Variants in PCGF3 observed in about 807,000 individuals in gnomAD.
PCGF3 encodes polycomb group ring finger 3.
A neutral mutation model predicts 33.1 loss-of-function variants in PCGF3; 7 were observed. The ratio of observed to expected loss-of-function variants is 0.21; its 90% CI spans 0.12 to 0.40. PCGF3 has a LOEUF of 0.40. Ranked by LOEUF, PCGF3 falls within the 10% of genes least tolerant of loss-of-function variation. The pLI is 1.00. For synonymous variants in PCGF3, 153 were observed against 121.3 expected (o/e 1.26, Z -1.72); for missense variants, 211 against 313.3 (o/e 0.67, Z 2.46).
At chr4:730,310 G>A (rs1269841669) in intron 1 of PCGF3, among the ~76,000 whole-genome samples, 1 of 152,150 alleles carries the variant, frequency 6.6e-6, no homozygotes, top group African/African-American at 2.4e-5. Flanking sequence ...CCTCTGGGGG[G>A]CTCCACAGAC....
At position 728,747 on chromosome 4, in the gene PCGF3, G is replaced by A. The variant is rs568292352; in HGVS notation, c.-189-1883G>A. Among the ~76,000 whole-genome samples, 28 of 152,284 alleles carry A rather than the reference G, an allele frequency of 1.8e-4. No homozygotes were observed. In the South Asian group the frequency reaches 3.3e-3, roughly 18 times the overall value. ...GAACTCCTGTCAGGAGCCGCCAGCT[G>A]TACCAGCCAACACAGGAGCCACTGG... On this transcript the variant is annotated intron_variant, in intron 1 of 10. Coordinates refer to ENST00000362003, the Ensembl canonical transcript of PCGF3.
intron 6 of PCGF3, among the ~76,000 whole-genome samples, chr4:741,778 C>G (rs892217368): frequency 6.6e-6 from 1 of 152,110 alleles, no homozygotes; most frequent in Non-Finnish European, 1.5e-5. Flanking sequence ...TTTATTCTTA[C>G]AGGTGAAAAT....
intron 8 of PCGF3, chr4:757,366 G>A (rs928640686): frequency 5.3e-5 from 8 of 152,244 alleles, no homozygotes; most frequent in African/African-American, 1.9e-4. Context: ...GGCAGGGTGC[G>A]TCCGCTGCTT....
At chr4:737,799 C>T (rs1345928182) in intron 6 of PCGF3, among the ~76,000 whole-genome samples, 1 of 152,172 alleles carries the variant, frequency 6.6e-6, no homozygotes, top group Admixed American at 6.5e-5. Context: ...CAGCTCCTGC[C>T]CCTCCCAGGA....
chr4:729,518 G>C (rs1435589789), intron 1 of PCGF3, among the ~76,000 whole-genome samples: 2 of 152,316 alleles, frequency 1.3e-5, no homozygotes, highest in African/African-American at 4.8e-5. Context: ...TGTGCTGTTG[G>C]GTAGTGGAGA....
chr4:744,520 C>T (rs1744229542), intron 7 of PCGF3, 80 bp from the exon 8 acceptor site: 4 of 1,060,668 alleles, frequency 3.8e-6, no homozygotes, highest in Non-Finnish European at 5.7e-6. Flanking sequence ...TTTTTGACGG[C>T]ATTTGGAGTA....
At chr4:760,916 G>A (rs1239639672) in intron 8 of PCGF3, among the ~76,000 whole-genome samples, 6 of 152,198 alleles carry the variant, frequency 3.9e-5, no homozygotes, top group African/African-American at 1.2e-4. Context: ...GAGTGCATTC[G>A]CAGACACGGG....
At chr4:769,512 T>A (rs146942871) in exon 11 of PCGF3, 1 of 152,848 alleles carries the variant, frequency 6.5e-6, no homozygotes, top group East Asian at 1.9e-4. Context: ...TTTCTCTGCC[T>A]TGACATTTAA....
chr4:718,985 T>C (rs1742968404), intron 1 of PCGF3, among the ~76,000 whole-genome samples: 1 of 152,318 alleles, frequency 6.6e-6, no homozygotes, highest in African/African-American at 2.4e-5. Flanking sequence ...GTTAGAGTCT[T>C]GTGCTGTCAC....
intron 8 of PCGF3, among the ~76,000 whole-genome samples, chr4:752,313 C>G (rs1744554238): frequency 6.6e-6 from 1 of 152,240 alleles, no homozygotes; most frequent in Non-Finnish European, 1.5e-5. Flanking sequence ...CAGCCAGAAG[C>G]CTCTTGGTTA....
At chr4:764,052 G>A (rs908130872) in intron 9 of PCGF3, among the ~76,000 whole-genome samples, 2 of 152,180 alleles carry the variant, frequency 1.3e-5, no homozygotes, top group African/African-American at 4.8e-5. Context: ...AGGGTAGTAG[G>A]AGTGGGCGGG....
At chr4:764,570 G>A (rs11931963) in intron 9 of PCGF3, 51,118 of 159,688 alleles carry the variant, frequency 0.32, 9,545 homozygotes, top group African/African-American at 0.52. Flanking sequence ...TCTTCCCGTT[G>A]CTCAGTACGG....
In PCGF3 at chr4:743,393, T is replaced by C. The variant is rs1014851404; in HGVS notation, c.263-81T>C. 4 of 791,200 alleles carry C rather than the reference T, an allele frequency of 5.1e-6. No homozygotes were observed. The African/African-American group carries it at 6.9e-5, about 14-fold the overall frequency. The allele number at this position is 791,200 out of a possible 1,614,324, so 49.0% of individuals were successfully genotyped here. On this transcript the variant is annotated intron_variant, in intron 6 of 10. Coordinates refer to ENST00000362003, the Ensembl canonical transcript of PCGF3. ...ACTTCATAATGCAAATCCCTAATTT[T>C]CTTTATGTGATGTTTATGAACAGAA...
At chr4:737,379 T>C in intron 5 of PCGF3, 87 bp from the exon 6 acceptor site, 1 of 899,124 alleles carries the variant, frequency 1.1e-6, no homozygotes, top group South Asian at 1.4e-5. Flanking sequence ...CTGGTGATTC[T>C]GAACTTTGAT....
intron 9 of PCGF3, among the ~76,000 whole-genome samples, chr4:764,319 C>T (rs1745237810): frequency 6.6e-6 from 1 of 152,158 alleles, no homozygotes; most frequent in African/African-American, 2.4e-5. Context: ...GACTGGGGAG[C>T]CTAGTGCATT....
At chr4:753,534 C>T (rs762211504) in intron 8 of PCGF3, among the ~76,000 whole-genome samples, 5 of 151,872 alleles carry the variant, frequency 3.3e-5, no homozygotes, top group Non-Finnish European at 5.9e-5. Flanking sequence ...GGCACCTGTA[C>T]TCGGAGGCTG....
At chr4:755,370 G>C (rs185995388) in intron 8 of PCGF3, among the ~76,000 whole-genome samples, 6 of 152,202 alleles carry the variant, frequency 3.9e-5, no homozygotes, top group African/African-American at 4.8e-5. Context: ...GCTCCTCTGC[G>C]TGTGAGTTGC....
chr4:764,730 TG>T (rs1343137928), intron 9 of PCGF3: 7 of 401,524 alleles, frequency 1.7e-5, no homozygotes, highest in Non-Finnish European at 3.2e-5. Flanking sequence ...TCCCCCTAAC[TG>T]GCACGGGCCT....
Position 741,201 on chromosome 4 carries a change from G to A in PCGF3, c.263-2273G>A, listed in dbSNP as rs541640819. ...TATTCCCTACTCACAGGAAAGCAGT[G>A]TTTACAAAATGCTGAAAATTTAAAA... On this transcript the variant is annotated intron_variant, in intron 6 of 10. Coordinates refer to ENST00000362003, the Ensembl canonical transcript of PCGF3. Among the ~76,000 whole-genome samples, 32 of 152,310 alleles carry A rather than the reference G, an allele frequency of 2.1e-4. No individual in the cohort carries two copies. In the South Asian group the frequency reaches 6.0e-3, roughly 29 times the overall value.
Sources: gnomAD v4.1 joint callset for allele counts (sites outside exome capture counted in the v4.1 genomes callset) on GRCh38, gnomAD v4.1.1 for gene constraint, MANE v1.5 for transcripts, NCBI Gene and HGNC (gene_info 2026-07-23, HGNC 2026-07-21) for gene names.